Variants in AFG2A observed in about 807,000 individuals in gnomAD.
The protein encoded by AFG2A is ATPase family gene 2 protein homolog A.
chr4:122,957,895 A>C, the AFG2A span, among the ~76,000 whole-genome samples: 1 of 151,864 alleles, frequency 6.6e-6, no homozygotes, highest in Admixed American at 6.6e-5. Context: ...GACTTCTGGT[A>C]TATTATAGGT....
chr4:123,301,543 A>T, the AFG2A span, among the ~76,000 whole-genome samples: 1 of 151,990 alleles, frequency 6.6e-6, no homozygotes, highest in Non-Finnish European at 1.5e-5. Flanking sequence ...GCTAGATGGG[A>T]AAAAAAAGAA....
At chr4:122,956,918 G>C in the AFG2A span, among the ~76,000 whole-genome samples, 2 of 152,114 alleles carry the variant, frequency 1.3e-5, no homozygotes, top group Non-Finnish European at 2.9e-5. Context: ...AATGAGGCAG[G>C]GTGGTATAGT....
the AFG2A span, among the ~76,000 whole-genome samples, chr4:123,003,990 A>C: frequency 6.6e-6 from 1 of 151,920 alleles, no homozygotes; most frequent in African/African-American, 2.4e-5. Context: ...TGTTTTGTTT[A>C]CCTAAGCGAG....
the AFG2A span, among the ~76,000 whole-genome samples, chr4:123,015,578 C>T: frequency 6.6e-6 from 1 of 151,222 alleles, no homozygotes; most frequent in Non-Finnish European, 1.5e-5. Context: ...TCTCCCGTGT[C>T]TACCTCTTTC....
At chr4:123,054,034 C>T in the AFG2A span, among the ~76,000 whole-genome samples, 4 of 152,330 alleles carry the variant, frequency 2.6e-5, no homozygotes, top group African/African-American at 9.6e-5. Context: ...TCCAGGTTCA[C>T]TACTGAGACC....
the AFG2A span, among the ~76,000 whole-genome samples, chr4:122,940,274 C>T: frequency 6.6e-6 from 1 of 152,050 alleles, no homozygotes; most frequent in South Asian, 2.1e-4. Context: ...CCTATTTCTC[C>T]ACATCCTCTC....
At chr4:123,249,662 TA>T in the AFG2A span, among the ~76,000 whole-genome samples, 1 of 152,182 alleles carries the variant, frequency 6.6e-6, no homozygotes, top group African/African-American at 2.4e-5. Context: ...TTGGGTGCCT[TA>T]TATGTGCCAT....
chr4:123,163,934 G>A, the AFG2A span, among the ~76,000 whole-genome samples: 1 of 152,148 alleles, frequency 6.6e-6, no homozygotes, highest in African/African-American at 2.4e-5. Flanking sequence ...AGGGTGTAGT[G>A]ATCAGAGGTA....
the AFG2A span, among the ~76,000 whole-genome samples, chr4:122,946,644 A>AT: frequency 6.6e-6 from 1 of 152,114 alleles, no homozygotes; most frequent in South Asian, 2.1e-4. Context: ...GGTTTTCCTA[A>AT]TTTCATTTTC....
At chr4:123,024,012 G>A in the AFG2A span, among the ~76,000 whole-genome samples, 1 of 151,780 alleles carries the variant, frequency 6.6e-6, no homozygotes, top group African/African-American at 2.4e-5. Flanking sequence ...AGAAGAGAGA[G>A]GAGTTGCTGA....
At chr4:123,175,684 ATCCCAGGATG>A in the AFG2A span, among the ~76,000 whole-genome samples, 1 of 152,224 alleles carries the variant, frequency 6.6e-6, no homozygotes, top group Non-Finnish European at 1.5e-5. Context: ...AATGTTGTGT[ATCCCAGGATG>A]TTTACTGTGG....
the AFG2A span, among the ~76,000 whole-genome samples, chr4:122,942,376 C>T: frequency 2.6e-5 from 4 of 151,446 alleles, no homozygotes; most frequent in South Asian, 4.2e-4. Context: ...GTGTATGTGT[C>T]GAGGAATGTA....
the AFG2A span, among the ~76,000 whole-genome samples, chr4:122,939,566 C>G: frequency 6.6e-6 from 1 of 151,440 alleles, no homozygotes; most frequent in Non-Finnish European, 1.5e-5. Flanking sequence ...ATGTTAGAAC[C>G]ACAATAAATT....
At chr4:123,303,778 CA>C in the AFG2A span, among the ~76,000 whole-genome samples, 1 of 151,774 alleles carries the variant, frequency 6.6e-6, no homozygotes, top group Non-Finnish European at 1.5e-5. Context: ...AACAAACAAA[CA>C]AAAACAACTT....
the AFG2A span, among the ~76,000 whole-genome samples, chr4:123,040,316 A>G: frequency 6.6e-6 from 1 of 152,168 alleles, no homozygotes. Context: ...TCTTATAGAC[A>G]AAAGTGAACT....
At chr4:123,124,971 C>T in the AFG2A span, among the ~76,000 whole-genome samples, 1 of 152,174 alleles carries the variant, frequency 6.6e-6, no homozygotes, top group Middle Eastern at 3.2e-3. Flanking sequence ...AAACATATTA[C>T]TTTTCCATGA....
At chr4:123,216,664 C>CTTTTT in the AFG2A span, among the ~76,000 whole-genome samples, 7 of 142,966 alleles carry the variant, frequency 4.9e-5, no homozygotes, top group African/African-American at 1.0e-4. Flanking sequence ...ATTATTTTTA[C>CTTTTT]TTTTTTTTTT....
At chr4:122,934,373 C>G in the AFG2A span, 1 of 1,614,152 alleles carries the variant, frequency 6.2e-7, no homozygotes, top group Non-Finnish European at 8.5e-7. Flanking sequence ...GACAGAATTA[C>G]AAATAAAGCC....
At chr4:123,042,300 TG>T in the AFG2A span, among the ~76,000 whole-genome samples, 1 of 152,114 alleles carries the variant, frequency 6.6e-6, no homozygotes, top group Non-Finnish European at 1.5e-5. Flanking sequence ...GGCTTTCATG[TG>T]GTCATCTTGA....
Sources: allele counts gnomAD v4.1 joint callset (sites outside exome capture counted in the v4.1 genomes callset), GRCh38; gene constraint gnomAD v4.1.1; transcripts MANE v1.5; gene names NCBI Gene and HGNC (gene_info 2026-07-23, HGNC 2026-07-21).